NMNAT3: variants seen among roughly 807,000 people sequenced by gnomAD.
NMNAT3 encodes nicotinamide nucleotide adenylyltransferase 3, also known as nicotinamide/nicotinic acid mononucleotide adenylyltransferase 3.
In NMNAT3, 21 loss-of-function variants were observed where a neutral mutation model predicts 24.8. The ratio of observed to expected loss-of-function variants is 0.85; its 90% CI spans 0.60 to 1.22. The LOEUF is 1.22. NMNAT3 is among the 50% of genes most tolerant of loss of function. NMNAT3 has a pLI of 0.00. For missense variants in NMNAT3, 387 were observed against 436.6 expected (o/e 0.89, Z 1.01); for synonymous variants, 136 against 155.2 (o/e 0.88, Z 0.92).
At chr3:139,605,620 A>G (rs1378195048) in intron 3 of NMNAT3, among the ~76,000 whole-genome samples, 3 of 152,220 alleles carry the variant, frequency 2.0e-5, no homozygotes, top group African/African-American at 7.2e-5. Flanking sequence ...TCAAAAGCCA[A>G]TTGCCAGAAT....
At chr3:139,670,759 G>T (rs1393879390) in intron 1 of NMNAT3, among the ~76,000 whole-genome samples, 1 of 152,218 alleles carries the variant, frequency 6.6e-6, no homozygotes, top group Non-Finnish European at 1.5e-5. Context: ...AACTGTGTGT[G>T]TTGGGTTGTG....
At position 139,575,363 on chromosome 3, in the gene NMNAT3, C is replaced by G. The variant is rs78678687; in HGVS notation, c.576-1683G>C. ...ATTCACCCTTGGATTGGCATGGGCT[C>G]TCACATCAGACTGAAGTAGATTGAG... On this transcript the variant is annotated intron_variant, in intron 5 of 6. Transcript: ENST00000643695. 3.6e-3 allele frequency among the ~76,000 whole-genome samples: 547 copies of G among 152,268 alleles called. 1 individual carries two copies. The highest frequency in any genetic ancestry group is 0.012 in the African/African-American group (501 of 41,546).
chr3:139,571,826 T>A (rs1443233844), intron 6 of NMNAT3, among the ~76,000 whole-genome samples: 1 of 152,116 alleles, frequency 6.6e-6, no homozygotes, highest in Non-Finnish European at 1.5e-5. Context: ...GAGACAGGGA[T>A]TCTGGAAGCA....
chr3:139,670,363 C>T (rs561975845), intron 1 of NMNAT3, among the ~76,000 whole-genome samples: 7 of 152,302 alleles, frequency 4.6e-5, no homozygotes, highest in South Asian at 2.1e-4. Context: ...AGCCCCATGA[C>T]GGGATAACTC....
chr3:139,582,021 C>G (rs1345611715), intron 4 of NMNAT3, among the ~76,000 whole-genome samples: 1 of 150,838 alleles, frequency 6.6e-6, no homozygotes, highest in Non-Finnish European at 1.5e-5. Flanking sequence ...ATGGTGAAAC[C>G]TGTCTCTATG....
chr3:139,673,795 A>G (rs1481187167), intron 1 of NMNAT3, among the ~76,000 whole-genome samples: 1 of 151,066 alleles, frequency 6.6e-6, no homozygotes, highest in East Asian at 1.9e-4. Context: ...GAAGGAATAG[A>G]GAGAGAGAGA....
At chr3:139,622,153 C>T (rs1226136525) in intron 3 of NMNAT3, among the ~76,000 whole-genome samples, 1 of 152,130 alleles carries the variant, frequency 6.6e-6, no homozygotes, top group African/African-American at 2.4e-5. Flanking sequence ...TTTGAGATAT[C>T]TCCATACTGT....
At chr3:139,663,832 T>G (rs2057495405) in intron 1 of NMNAT3, among the ~76,000 whole-genome samples, 1 of 152,160 alleles carries the variant, frequency 6.6e-6, no homozygotes, top group Non-Finnish European at 1.5e-5. Context: ...CAGCACAGAC[T>G]TCCTTCTCTC....
intron 6 of NMNAT3, among the ~76,000 whole-genome samples, chr3:139,562,142 A>ATTG (rs5852951): frequency 0.34 from 51,391 of 151,842 alleles, 10,441 homozygotes; most frequent in South Asian, 0.64. Context: ...TGAGGTGAGT[A>ATTG]TTGTGCCCAT....
intron 3 of NMNAT3, among the ~76,000 whole-genome samples, chr3:139,595,211 A>G (rs2054391922): frequency 2.0e-5 from 3 of 152,212 alleles, no homozygotes; most frequent in Admixed American, 6.5e-5. Context: ...CCCATTCACA[A>G]TTGCTTCAAA....
intron 1 of NMNAT3, among the ~76,000 whole-genome samples, chr3:139,653,724 C>A (rs2057136474): frequency 6.6e-6 from 1 of 152,204 alleles, no homozygotes; most frequent in South Asian, 2.1e-4. Flanking sequence ...CACAGCCCCA[C>A]CCTATTCCAG....
At chr3:139,629,914 T>C (rs2056223752) in intron 2 of NMNAT3, among the ~76,000 whole-genome samples, 1 of 152,232 alleles carries the variant, frequency 6.6e-6, no homozygotes, top group South Asian at 2.1e-4. Flanking sequence ...ATCAATTACC[T>C]GCTAGGTACC....
At chr3:139,647,291 T>A (rs77612042) in intron 1 of NMNAT3, among the ~76,000 whole-genome samples, 4 of 152,220 alleles carry the variant, frequency 2.6e-5, no homozygotes, top group Non-Finnish European at 4.4e-5. Context: ...AAGTTTTCAA[T>A]GTACAGAGCA....
At chr3:139,596,964 A>ATATTT (rs1405063694) in intron 3 of NMNAT3, among the ~76,000 whole-genome samples, 2 of 108,538 alleles carry the variant, frequency 1.8e-5, no homozygotes, top group Non-Finnish European at 3.7e-5. Context: ...ATATATATAT[A>ATATTT]TTTTTATTAC....
At position 139,623,585 on chromosome 3, in the gene NMNAT3, CGATT is replaced by C. The variant is rs1292729859; in HGVS notation, c.109+4027_109+4030del. ...ATAGTATATGCTAGACTTAATTGGT[CGATT>C]GATTGATTGATTGAGACAGAGTCTC... is the stretch of plus-strand genomic sequence containing the variant. On this transcript the variant is annotated intron_variant, in intron 3 of 6. Transcript: ENST00000643695. Among the ~76,000 whole-genome samples, 6 of 151,834 alleles carry C rather than the reference CGATT, an allele frequency of 4.0e-5. No individual in the cohort carries two copies. The East Asian group carries it at 7.8e-4, about 20-fold the overall frequency.
At chr3:139,665,709 C>A (rs1272382826) in intron 1 of NMNAT3, among the ~76,000 whole-genome samples, 1 of 138,768 alleles carries the variant, frequency 7.2e-6, no homozygotes, top group Admixed American at 7.7e-5. Flanking sequence ...CAATAGAATA[C>A]TATTCATTTG....
chr3:139,585,016 G>C (rs1400722704), intron 3 of NMNAT3, among the ~76,000 whole-genome samples: 1 of 151,818 alleles, frequency 6.6e-6, no homozygotes, highest in Non-Finnish European at 1.5e-5. Context: ...CTATCTTAGT[G>C]AATATTCCAT....
chr3:139,632,196 C>A (rs1192922447), intron 2 of NMNAT3, among the ~76,000 whole-genome samples: 1 of 152,166 alleles, frequency 6.6e-6, no homozygotes, highest in African/African-American at 2.4e-5. Context: ...TGTCAGATGT[C>A]TACCTCCTCT....
chr3:139,613,959 G>A (rs899172821), intron 3 of NMNAT3, among the ~76,000 whole-genome samples: 2 of 152,112 alleles, frequency 1.3e-5, no homozygotes, highest in Non-Finnish European at 2.9e-5. Flanking sequence ...GACACAGGAA[G>A]GGGAACATCA....
Sources: allele counts gnomAD v4.1 joint callset (sites outside exome capture counted in the v4.1 genomes callset), GRCh38; gene constraint gnomAD v4.1.1; transcripts MANE v1.5; gene names NCBI Gene and HGNC (gene_info 2026-07-23, HGNC 2026-07-21).